The following TAF4B variants were observed in gnomAD, a reference collection of about 807,000 sequenced individuals.
TAF4B encodes TATA-box binding protein associated factor 4b.
A neutral mutation model predicts 86.4 loss-of-function variants in TAF4B; 38 were observed. The observed-to-expected ratio is 0.44, with a 90% confidence interval of 0.34 to 0.58. TAF4B has a LOEUF of 0.58. Among genes scored for constraint, TAF4B ranks in the 20% least tolerant of loss-of-function variants. The pLI, the probability that TAF4B is intolerant of heterozygous loss-of-function variation, is 0.02. For synonymous variants in TAF4B, 388 were observed against 391.2 expected, an observed-to-expected ratio of 0.99 and a Z score of 0.10; for missense variants, 988 against 1,027.6, an observed-to-expected ratio of 0.96 and a Z score of 0.53.
chr18:26,339,936 T>C (rs1049062543), intron 13 of TAF4B, among the ~76,000 whole-genome samples: 9 of 152,366 alleles, frequency 5.9e-5, no homozygotes, highest in Middle Eastern at 6.8e-3. Flanking sequence ...GACAAAGAAT[T>C]CATTTACTTT....
chr18:26,251,662 T>C (rs562264565), intron 1 of TAF4B, among the ~76,000 whole-genome samples: 2 of 152,312 alleles, frequency 1.3e-5, no homozygotes, highest in Admixed American at 6.5e-5. Context: ...TCTTTTATGA[T>C]TGGAAAAAGT....
chr18:26,285,218 TTTTG>T lies in TAF4B; in HGVS notation c.973-660_973-657del, dbSNP rs1441874611. Among the ~76,000 whole-genome samples the T allele has an allele frequency of 9.3e-3, 954 of 102,200 alleles. 40 individuals are homozygous for T. The highest frequency in any genetic ancestry group is 0.046 in the African/African-American group (917 of 19,864). 67.0% of individuals were successfully genotyped at this position (102,200 alleles called of 152,430 possible). On this transcript the variant is annotated intron_variant, in intron 6 of 14. Coordinates refer to ENST00000269142, the MANE Select transcript of TAF4B (RefSeq NM_005640.3). ...GACTATTTCTTCCTTTCCTTTTTTT[TTTTG>T]TTTTTTTTTTTTTTGGAGATGGGGT...
At position 26,357,740 on chromosome 18, in the gene TAF4B, A is replaced by G; in HGVS notation, c.2367A>G (p.Thr789=). The G allele has an allele frequency of 6.2e-7, 1 of 1,613,434 alleles. No individual in the cohort carries two copies. The highest frequency in any genetic ancestry group is 8.5e-7 in the Non-Finnish European group (1 of 1,179,658). Residue 789 remains threonine (T), a synonymous_variant, in exon 14 of 15, where the codon ACA becomes ACG. Coordinates refer to ENST00000269142, the MANE Select transcript of TAF4B (RefSeq NM_005640.3). ...TACAGCATAGAGACGCTAATCTCAC[A>G]GCTCTTGCAGCTATTGGACCAAGGA... ...AQIQHRDANL[T]ALAAIGPRKK... is the part of the protein sequence containing the mutation.
chr18:26,330,474 A>G (rs1476502989), intron 12 of TAF4B, among the ~76,000 whole-genome samples: 2 of 152,140 alleles, frequency 1.3e-5, no homozygotes, highest in Non-Finnish European at 2.9e-5. Context: ...CCATTTCTCT[A>G]AGAAGCCTGC....
At chr18:26,363,066 G>A (rs940911998) in intron 14 of TAF4B, among the ~76,000 whole-genome samples, 6 of 152,064 alleles carry the variant, frequency 3.9e-5, no homozygotes, top group Admixed American at 1.3e-4. Flanking sequence ...GGACTTGAGC[G>A]TCTTTGGTTT....
chr18:26,317,587 G>A (rs573917198), intron 10 of TAF4B, among the ~76,000 whole-genome samples: 12 of 152,280 alleles, frequency 7.9e-5, no homozygotes, highest in African/African-American at 2.9e-4. Context: ...TTGGATTGCT[G>A]TAACAAAATA....
chr18:26,332,434 A>G (rs1164937382), intron 12 of TAF4B, among the ~76,000 whole-genome samples: 1 of 151,996 alleles, frequency 6.6e-6, no homozygotes, highest in Non-Finnish European at 1.5e-5. Flanking sequence ...CCCTCTACAG[A>G]GTGGCCAGAG....
intron 1 of TAF4B, among the ~76,000 whole-genome samples, chr18:26,262,216 T>G (rs1568112160): frequency 1.4e-5 from 2 of 138,492 alleles, no homozygotes; most frequent in South Asian, 2.7e-4. Flanking sequence ...GGGGTGAGGA[T>G]TGGGGGTAGA....
chr18:26,265,684 C>T (rs1406805582), intron 2 of TAF4B, among the ~76,000 whole-genome samples: 6 of 152,104 alleles, frequency 3.9e-5, no homozygotes, highest in African/African-American at 1.2e-4. Flanking sequence ...GCCTCAGGCT[C>T]GCATATAGCT....
chr18:26,299,309 A>G (rs1598774422), intron 9 of TAF4B, among the ~76,000 whole-genome samples: 1 of 152,048 alleles, frequency 6.6e-6, no homozygotes, highest in East Asian at 1.9e-4. Flanking sequence ...TTCTGCATCT[A>G]TTTAAGGTGG....
chr18:26,236,695 T>G (rs2055753135), intron 1 of TAF4B, among the ~76,000 whole-genome samples: 1 of 152,134 alleles, frequency 6.6e-6, no homozygotes, highest in Non-Finnish European at 1.5e-5. Flanking sequence ...CCATCAAGGT[T>G]TGTTTGTCTG....
rs1413069419 is a variant in TAF4B, at chr18:26,227,121, G to A, written c.188G>A (p.Arg63Gln). Residue 63 changes from arginine (R) to glutamine (Q), a missense_variant, in exon 1 of 15, where the codon CGG becomes CAG. This residue lies in a region of TAF4B where 747 missense variants were observed against 737.9 expected (regional missense o/e 1.01). Coordinates refer to ENST00000269142, the MANE Select transcript of TAF4B (RefSeq NM_005640.3). ...GAGCCCACGGCGTCCCAGCCCCTGC[G>A]GTCCCCCGTGGGGACCCTGGTGACC... ...CVEPTASQPL[R>Q]SPVGTLVTKV... 1 of 1,613,234 alleles carries A rather than the reference G, an allele frequency of 6.2e-7. No homozygotes were observed. Among genetic ancestry groups the A allele is most frequent in the Non-Finnish European group, 8.5e-7 (1 of 1,179,740 alleles).
Position 26,285,954 on chromosome 18 carries a change from T to G in TAF4B, c.1045T>G (p.Ser349Ala). 1 of 1,614,186 alleles carries G rather than the reference T, an allele frequency of 6.2e-7. No individual in the cohort carries two copies. Among genetic ancestry groups the G allele is most frequent in the Non-Finnish European group, 8.5e-7 (1 of 1,180,014 alleles). Residue 349 changes from serine to alanine, a missense_variant, in exon 7 of 15, where the codon TCT becomes GCT. By Grantham distance (99) the Ser-to-Ala change is moderately conservative (BLOSUM62 1). Transcript: ENST00000269142. ...CATCCAGCAATGTGTTCAGCAGACT[T>G]CTAGTGACATGGTCATTGCTACCTG... ...SFIQQCVQQTSSDMVIATCTT... is the reference protein window; with the variant it reads ...SFIQQCVQQTASDMVIATCTT...
At chr18:26,236,022 A>G (rs1409534333) in intron 1 of TAF4B, among the ~76,000 whole-genome samples, 1 of 152,172 alleles carries the variant, frequency 6.6e-6, no homozygotes, top group East Asian at 1.9e-4. Context: ...TGATAAGGAA[A>G]AGTGGTGGGG....
At chr18:26,373,830 T>C (rs1346140176) in intron 14 of TAF4B, among the ~76,000 whole-genome samples, 1 of 152,162 alleles carries the variant, frequency 6.6e-6, no homozygotes, top group Non-Finnish European at 1.5e-5. Context: ...GTACAATGGC[T>C]AGGTCTCAGC....
chr18:26,358,196 A>G (rs935525150), intron 14 of TAF4B, among the ~76,000 whole-genome samples: 9 of 152,126 alleles, frequency 5.9e-5, no homozygotes, highest in Admixed American at 1.3e-4. Context: ...ATTCATTCCC[A>G]TACCAGCTTC....
At chr18:26,302,404 T>C (rs1271459780) in intron 9 of TAF4B, among the ~76,000 whole-genome samples, 1 of 123,420 alleles carries the variant, frequency 8.1e-6, no homozygotes, top group East Asian at 2.2e-4. Flanking sequence ...AGAAATGGTC[T>C]CTGTCACCTA....
intron 14 of TAF4B, among the ~76,000 whole-genome samples, chr18:26,381,318 T>C (rs2057476908): frequency 6.6e-6 from 1 of 151,946 alleles, no homozygotes; most frequent in African/African-American, 2.4e-5. Context: ...TCTGGCCCTT[T>C]TATTTTTTTT....
rs934345251 is a variant in TAF4B, at chr18:26,310,948, C to T, written c.1833-4281C>T. 7.3e-5 allele frequency among the ~76,000 whole-genome samples: 11 copies of T among 150,100 alleles called. No individual in the cohort carries two copies. The South Asian group carries it at 8.4e-4, about 11-fold the overall frequency. ...TATATAATACATACATAATGTTTTGCTTTTTTTGTTTTTTTTTTAACCACT... is the reference window on the plus strand; with the variant it reads ...TATATAATACATACATAATGTTTTGTTTTTTTTGTTTTTTTTTTAACCACT... On this transcript the variant is annotated intron_variant, in intron 9 of 14. Coordinates refer to ENST00000269142, the MANE Select transcript of TAF4B (RefSeq NM_005640.3).
Sources: allele counts gnomAD v4.1 joint callset (sites outside exome capture counted in the v4.1 genomes callset), GRCh38; gene constraint gnomAD v4.1.1; regional missense constraint gnomAD v4.1.1; transcripts MANE v1.5; gene names NCBI Gene and HGNC (gene_info 2026-07-23, HGNC 2026-07-21).